Variants in FGF13 observed in about 807,000 individuals in gnomAD.
FGF13 encodes the protein fibroblast growth factor 13.
FGF13 carries 2 observed loss-of-function variants against 19.5 expected under a neutral mutation model. That is an observed-to-expected ratio of 0.10 (90% CI 0.04 to 0.32). The LOEUF is 0.32. Ranked by LOEUF, FGF13 falls within the 10% of genes least tolerant of loss-of-function variation. FGF13 has a pLI of 1.00. For missense variants in FGF13, 113 were observed against 192.7 expected (o/e 0.59, Z 2.45); for synonymous variants, 72 against 76.9 (o/e 0.94, Z 0.33).
chrX:138,979,532 CT>C (rs1282833364), intron 1 of FGF13, among the ~76,000 whole-genome samples: 2 of 108,346 alleles, frequency 1.8e-5, no homozygotes, highest in Non-Finnish European at 3.8e-5. Context: ...TTGTATATTC[CT>C]TTTTTTTTCC....
rs2124317140 is a variant in FGF13, at chrX:138,751,103, G to A, written c.218-42175C>T. Among the ~76,000 whole-genome samples the A allele has an allele frequency of 1.8e-5, 2 of 111,586 alleles. 1 individual carries two copies. The highest frequency in any genetic ancestry group is 7.6e-4 in the South Asian group (2 of 2,640). ...AGTTCAGGATTGTATATATCCACTG[G>A]CTTTTGTCATTAGAAGATGACAACC... is the stretch of plus-strand genomic sequence containing the variant. On this transcript the variant is annotated intron_variant, in intron 3 of 6. Coordinates refer to the FGF13 transcript ENST00000436198.
intron 1 of FGF13, among the ~76,000 whole-genome samples, chrX:139,015,751 A>G (rs1005757146): frequency 8.9e-6 from 1 of 111,870 alleles, no homozygotes; most frequent in Non-Finnish European, 1.9e-5. Flanking sequence ...GAATATCCAA[A>G]TAAATCCTGG....
chrX:138,679,696 G>A (rs1049214469), intron 3 of FGF13, among the ~76,000 whole-genome samples: 1 of 112,061 alleles, frequency 8.9e-6, no homozygotes, highest in African/African-American at 3.2e-5. Context: ...ATGATCATCT[G>A]AGCCTTTGGC....
intron 1 of FGF13, among the ~76,000 whole-genome samples, chrX:139,029,496 CTT>C (rs2092218050): frequency 8.9e-6 from 1 of 112,269 alleles, no homozygotes; most frequent in Non-Finnish European, 1.9e-5. Flanking sequence ...ATTTATTGCT[CTT>C]TGTCAGAAAA....
At chrX:138,786,317 GA>G (rs1432447827) in intron 3 of FGF13, among the ~76,000 whole-genome samples, 1 of 107,038 alleles carries the variant, frequency 9.3e-6, no homozygotes, top group Non-Finnish European at 1.9e-5. Context: ...TCACTCCCCA[GA>G]AAAAAAAAAT....
Position 138,970,073 on chromosome X carries a change from AC to A in FGF13, c.-112-105424del, listed in dbSNP as rs755172362. On this transcript the variant is annotated intron_variant, in intron 1 of 2. Transcript: ENST00000421460. ...ATGAAGAAAAGGAAAGGAAATTCAC[AC>A]TTTGTGAACACAGTAAATATGTTTT... Among the ~76,000 whole-genome samples, 17 of 111,874 alleles carry A rather than the reference AC, an allele frequency of 1.5e-4. No homozygotes were observed. The South Asian group carries it at 6.4e-3, about 42-fold the overall frequency.
chrX:139,036,559 C>T (rs762737628), intron 1 of FGF13, among the ~76,000 whole-genome samples: 1 of 111,371 alleles, frequency 9.0e-6, no homozygotes, highest in Non-Finnish European at 1.9e-5. Context: ...CATCCTTTTC[C>T]TCAAAAGCCC....
chrX:138,669,304 G>A (rs1452424355), intron 3 of FGF13, among the ~76,000 whole-genome samples: 1 of 110,480 alleles, frequency 9.1e-6, no homozygotes, highest in Non-Finnish European at 1.9e-5. Context: ...GGCTTTTAAG[G>A]CCCTTCACAA....
At chrX:138,680,576 CT>C (rs758218437) in intron 3 of FGF13, among the ~76,000 whole-genome samples, 96 of 111,626 alleles carry the variant, frequency 8.6e-4, no homozygotes, top group African/African-American at 2.8e-3. Flanking sequence ...TGAAAAGAAT[CT>C]TTTTTTCCCC....
chrX:139,097,842 T>C (rs1305574046), intron 1 of FGF13, among the ~76,000 whole-genome samples: 2 of 111,939 alleles, frequency 1.8e-5, no homozygotes, highest in Non-Finnish European at 1.9e-5. Context: ...ATTGACTATA[T>C]AGAATAAAAG....
chrX:139,071,728 C>G (rs187201364), intron 1 of FGF13, among the ~76,000 whole-genome samples: 3 of 110,692 alleles, frequency 2.7e-5, no homozygotes, highest in East Asian at 5.7e-4. Context: ...TCTCAAAATG[C>G]CTTTATTGGC....
At chrX:138,855,172 C>T (rs1375103950), downstream of FGF13, among the ~76,000 whole-genome samples, 3 of 111,642 alleles carry the variant, frequency 2.7e-5, no homozygotes, top group Non-Finnish European at 5.6e-5. Context: ...ATAGTTACTT[C>T]GCCTCCTGGA....
At chrX:138,870,232 A>T (rs753693173) in intron 1 of FGF13, among the ~76,000 whole-genome samples, 10 of 112,089 alleles carry the variant, frequency 8.9e-5, no homozygotes, top group Non-Finnish European at 1.3e-4. Context: ...TGATGCTTAG[A>T]TTCAGAACAT....
At chrX:138,734,520 T>A (rs1011674800) in intron 1 of FGF13, among the ~76,000 whole-genome samples, 2 of 111,605 alleles carry the variant, frequency 1.8e-5, no homozygotes, top group Non-Finnish European at 3.8e-5. Context: ...TGGATGAGTG[T>A]CATATGATTG....
intron 1 of FGF13, among the ~76,000 whole-genome samples, chrX:139,050,324 T>C (rs2124412142): frequency 8.9e-6 from 1 of 112,072 alleles, no homozygotes; most frequent in Non-Finnish European, 1.9e-5. Flanking sequence ...CAAGACATTA[T>C]CTTCTAAAAT....
chrX:138,669,982 T>C (rs1378820823), intron 3 of FGF13, among the ~76,000 whole-genome samples: 1 of 111,984 alleles, frequency 8.9e-6, no homozygotes, highest in Non-Finnish European at 1.9e-5. Context: ...CACTCTTCTT[T>C]CATTTTCAGA....
chrX:138,751,404 T>C (rs1486099490), intron 3 of FGF13, among the ~76,000 whole-genome samples: 1 of 111,140 alleles, frequency 9.0e-6, no homozygotes, highest in Non-Finnish European at 1.9e-5. Flanking sequence ...CAGGTTCTGA[T>C]GAGGGTGGGG....
At chrX:138,748,201 T>G (rs2090370011) in intron 3 of FGF13, among the ~76,000 whole-genome samples, 1 of 111,873 alleles carries the variant, frequency 8.9e-6, no homozygotes, top group Non-Finnish European at 1.9e-5. Context: ...TGCACAAAAT[T>G]TTGATAATCT....
chrX:138,659,662 T>C (rs1360200020), intron 3 of FGF13, among the ~76,000 whole-genome samples: 1 of 111,947 alleles, frequency 8.9e-6, no homozygotes, highest in East Asian at 2.8e-4. Flanking sequence ...CCAACCCAAA[T>C]GCCCATCAAT....
Sources: allele counts gnomAD v4.1 joint callset (sites outside exome capture counted in the v4.1 genomes callset), GRCh38; gene constraint gnomAD v4.1.1; transcripts MANE v1.5; gene names NCBI Gene and HGNC (gene_info 2026-07-23, HGNC 2026-07-21).